FAM13A: variants seen among roughly 807,000 people sequenced by gnomAD.
The protein encoded by FAM13A is protein FAM13A.
A neutral mutation model predicts 129.6 loss-of-function variants in FAM13A; 76 were observed. That is an observed-to-expected ratio of 0.59 (90% CI 0.49 to 0.71). The LOEUF is 0.71. Ranked by LOEUF, FAM13A falls within the 30% of genes least tolerant of loss-of-function variation. The pLI is 0.00. For missense variants in FAM13A, 1,108 were observed against 1,249.3 expected, an observed-to-expected ratio of 0.89 and a Z score of 1.70; for synonymous variants, 443 against 449.9, an observed-to-expected ratio of 0.98 and a Z score of 0.20.
At chr4:88,858,823 C>T (rs1738994156) in intron 6 of FAM13A, among the ~76,000 whole-genome samples, 1 of 152,148 alleles carries the variant, frequency 6.6e-6, no homozygotes, top group Non-Finnish European at 1.5e-5. Flanking sequence ...GGTTGCACAA[C>T]TTTGTAAATA....
chr4:88,823,325 CCTCCTCCCCCGCACCCTACTCCTTCTG>C (rs1440417561), intron 7 of FAM13A: 2 of 1,123,684 alleles, frequency 1.8e-6, no homozygotes, highest in African/African-American at 3.2e-5. Flanking sequence ...AGGCGCTCCT[CCTCCTCCCCCGCACCCTACTCCTTCTG>C]CTCCTCAATG....
intron 18 of FAM13A, 73 bp downstream of exon 18, chr4:88,747,558 C>A: frequency 8.2e-7 from 1 of 1,217,522 alleles, no homozygotes; most frequent in Non-Finnish European, 1.2e-6. Flanking sequence ...CTGGGATTCA[C>A]GTGGCATGCC....
chr4:88,988,687 A>G (rs1196715680), intron 4 of FAM13A, among the ~76,000 whole-genome samples: 1 of 152,208 alleles, frequency 6.6e-6, no homozygotes, highest in Non-Finnish European at 1.5e-5. Context: ...TAGTAAATTG[A>G]TAAATATGAA....
intron 7 of FAM13A, among the ~76,000 whole-genome samples, chr4:88,813,006 G>A (rs1729965042): frequency 6.6e-6 from 1 of 152,000 alleles, no homozygotes; most frequent in Non-Finnish European, 1.5e-5. Context: ...GCTGTGCCAT[G>A]GGTTTTCTCC....
intron 11 of FAM13A, among the ~76,000 whole-genome samples, chr4:88,777,948 AC>A (rs1349123587): frequency 6.6e-6 from 1 of 152,174 alleles, no homozygotes; most frequent in Non-Finnish European, 1.5e-5. Context: ...CTTCTAAGAC[AC>A]CAAACTTACC....
chr4:89,020,589 C>A lies in FAM13A; in HGVS notation c.298G>T (p.Val100Leu). ...CCGTCCTTCCCGAGCTCCACGGGCA[C>A]TCCACTCTCGAACTTCAGTCGAAGT... ...EQLRLKFESG[V>L]PVELGKDGDV... The change falls in exon 3 of 24, where the codon GTG (valine) becomes TTG (leucine). Residue 100 changes from valine (V) to leucine (L), a missense_variant. This residue lies in a region of FAM13A where 566 missense variants were observed against 595.7 expected (regional missense o/e 0.95). Coordinates refer to ENST00000264344, the MANE Select transcript of FAM13A (RefSeq NM_014883.4). 6.2e-7 allele frequency: 1 copy of A among 1,614,078 alleles called. No homozygotes were observed.
At chr4:88,931,733 T>C (rs924718591) in intron 5 of FAM13A, among the ~76,000 whole-genome samples, 2 of 152,174 alleles carry the variant, frequency 1.3e-5, no homozygotes, top group Admixed American at 1.3e-4. Context: ...AGAATCTACC[T>C]AAAAATTATA....
intron 4 of FAM13A, among the ~76,000 whole-genome samples, chr4:88,950,978 G>C (rs1290735206): frequency 6.6e-6 from 1 of 152,166 alleles, no homozygotes; most frequent in African/African-American, 2.4e-5. Flanking sequence ...TATTACAAGA[G>C]AAGACATGTA....
At chr4:88,960,368 T>C (rs1758410083) in intron 4 of FAM13A, among the ~76,000 whole-genome samples, 1 of 152,150 alleles carries the variant, frequency 6.6e-6, no homozygotes, top group Non-Finnish European at 1.5e-5. Context: ...TAGTTGTGAG[T>C]GAGATATAAC....
chr4:88,746,847 C>A, intron 19 of FAM13A, 85 bp downstream of exon 19: 1 of 870,582 alleles, frequency 1.1e-6, no homozygotes, highest in Non-Finnish European at 1.9e-6. Flanking sequence ...ATTAGGGAAC[C>A]CCATTTGTAA....
intron 19 of FAM13A, among the ~76,000 whole-genome samples, chr4:88,746,602 C>G (rs1741389913): frequency 6.6e-6 from 1 of 152,164 alleles, no homozygotes; most frequent in African/African-American, 2.4e-5. Context: ...CTCCAAACTC[C>G]AGGGGTCTTT....
chr4:89,048,347 T>C (rs1771126771), intron 1 of FAM13A, among the ~76,000 whole-genome samples: 1 of 152,084 alleles, frequency 6.6e-6, no homozygotes, highest in Admixed American at 6.5e-5. Context: ...CTCAAAAATA[T>C]TATGCTAAGT....
intron 8 of FAM13A, among the ~76,000 whole-genome samples, chr4:88,803,105 T>C (rs1179931445): frequency 1.3e-5 from 2 of 152,222 alleles, no homozygotes; most frequent in Admixed American, 6.5e-5. Flanking sequence ...TGGCTGGATC[T>C]ACTTCCGGTG....
At chr4:88,918,677 A>G (rs572685298) in intron 5 of FAM13A, among the ~76,000 whole-genome samples, 3 of 152,370 alleles carry the variant, frequency 2.0e-5, no homozygotes, top group African/African-American at 7.2e-5. Flanking sequence ...TATATATTGG[A>G]GTGAAAATAC....
intron 1 of FAM13A, among the ~76,000 whole-genome samples, chr4:89,055,140 C>G (rs1317301405): frequency 6.6e-6 from 1 of 152,152 alleles, no homozygotes; most frequent in Non-Finnish European, 1.5e-5. Context: ...TTTCTCTTCA[C>G]TCCTACACAA....
At chr4:88,896,435 A>T (rs1429574077) in intron 6 of FAM13A, among the ~76,000 whole-genome samples, 1 of 152,212 alleles carries the variant, frequency 6.6e-6, no homozygotes, top group Non-Finnish European at 1.5e-5. Context: ...AAAGAAAAAA[A>T]AATTCAATGT....
At chr4:89,054,112 C>T (rs1044756871) in intron 1 of FAM13A, among the ~76,000 whole-genome samples, 1 of 152,078 alleles carries the variant, frequency 6.6e-6, no homozygotes, top group Non-Finnish European at 1.5e-5. Flanking sequence ...ATTTTTGAGC[C>T]TACAACAGTA....
intron 23 of FAM13A, 127 bp from the exon 24 acceptor site, chr4:88,728,786 A>T: frequency 9.0e-7 from 1 of 1,111,698 alleles, no homozygotes; most frequent in Non-Finnish European, 1.3e-6. Context: ...AGTGTTGCCG[A>T]GTGGCCCTTG....
At chr4:88,935,803 C>T (rs1416095532) in intron 5 of FAM13A, among the ~76,000 whole-genome samples, 3 of 152,152 alleles carry the variant, frequency 2.0e-5, no homozygotes, top group Non-Finnish European at 2.9e-5. Flanking sequence ...GGCATTGGCA[C>T]ATCCTTTTGA....
Sources: gnomAD v4.1 joint callset for allele counts (sites outside exome capture counted in the v4.1 genomes callset) on GRCh38, gnomAD v4.1.1 for gene constraint, gnomAD v4.1.1 regional missense constraint, MANE v1.5 for transcripts, NCBI Gene and HGNC (gene_info 2026-07-23, HGNC 2026-07-21) for gene names.